The following SELENOO variants were observed in gnomAD, a reference collection of about 807,000 sequenced individuals.
SELENOO encodes protein adenylyltransferase SelO, mitochondrial.
In SELENOO, 74 loss-of-function variants were observed where a neutral mutation model predicts 58.7. That is an observed-to-expected ratio of 1.26 (90% CI 1.04 to 1.53). The LOEUF (loss-of-function observed/expected upper bound fraction) is 1.53, where lower values mean the gene tolerates loss of function less well. SELENOO is among the 40% of genes most tolerant of loss of function. The probability of loss-of-function intolerance (pLI) is 0.00; values close to 1 mark genes in which losing one functional copy is unlikely to be tolerated. For missense variants in SELENOO, 1,149 were observed against 970.0 expected, an observed-to-expected ratio of 1.18 and a Z score of -2.45; for synonymous variants, 543 against 453.2, an observed-to-expected ratio of 1.20 and a Z score of -2.52.
Position 50,210,870 on chromosome 22 carries a change from G to C in SELENOO, c.1310G>C (p.Gly437Ala). The C allele has an allele frequency of 6.2e-7, 1 of 1,614,130 alleles. No individual in the cohort carries two copies. Residue 437 changes from glycine to alanine, a missense_variant, in exon 5 of 9, where the codon GGG becomes GCG. Transcript: ENST00000380903. ...GLVQVELEED[G>A]ALVSKLLETM... ...GTGCAGGTGGAGCTGGAGGAAGACG[G>C]GGCGCTGGTGTCCAAGCTCCTGGAG...
rs547796648 is a variant in SELENOO at position 50,210,562 on chromosome 22, A to G, written c.1071-69A>G. ...GGACCTTCCCCTGGGCCTCCCCTCC[A>G]GGGTGGCTGCACCATCTCCCGGGAA... On this transcript the variant is annotated intron_variant, in intron 4 of 8. Transcript: ENST00000380903. 4.4e-6 allele frequency: 7 copies of G among 1,602,700 alleles called. No homozygotes were observed. The South Asian group carries it at 6.6e-5, about 15-fold the overall frequency.
chr22:50,214,331 C>T (rs1007136518), intron 5 of SELENOO, among the ~76,000 whole-genome samples: 5 of 152,130 alleles, frequency 3.3e-5, no homozygotes, highest in Admixed American at 2.6e-4. Context: ...TATTTAAAAT[C>T]TTCTCTGGCC....
intron 2 of SELENOO, among the ~76,000 whole-genome samples, chr22:50,207,456 C>T (rs747146342): frequency 1.3e-5 from 2 of 152,002 alleles, no homozygotes; most frequent in Non-Finnish European, 2.9e-5. Flanking sequence ...CACCTTGCCA[C>T]CTGGCGTCTA....
intron 5 of SELENOO, among the ~76,000 whole-genome samples, chr22:50,212,653 GTC>G (rs2064378303): frequency 6.6e-6 from 1 of 151,906 alleles, no homozygotes; most frequent in African/African-American, 2.4e-5. Flanking sequence ...TCCGCTCCGA[GTC>G]TGTGAACCTG....
intron 3 of SELENOO, among the ~76,000 whole-genome samples, chr22:50,209,033 G>A (rs1350075178): frequency 6.6e-6 from 1 of 152,302 alleles, no homozygotes; most frequent in Admixed American, 6.5e-5. Flanking sequence ...CACCTCCCAC[G>A]TGGGTCGATA....
chr22:50,211,157 A>T (rs2064369002), intron 5 of SELENOO, among the ~76,000 whole-genome samples: 1 of 151,808 alleles, frequency 6.6e-6, no homozygotes, highest in African/African-American at 2.4e-5. Flanking sequence ...CTCAATGTTC[A>T]CCCAGGTCCG....
chr22:50,201,122 C>T lies in SELENOO; in HGVS notation c.86C>T (p.Pro29Leu). The T allele has an allele frequency of 7.5e-7, 1 of 1,334,764 alleles. No homozygotes were observed. Among genetic ancestry groups the T allele is most frequent in the Non-Finnish European group, 9.6e-7 (1 of 1,045,194 alleles). 82.7% of individuals were successfully genotyped at this position (1,334,764 alleles called of 1,614,324 possible). A position where few individuals can be genotyped will look rare whatever the true frequency, so the allele number is the denominator to read the frequency against. ...PLGRCSPSPA[P>L]RSTLSGAAME... Reference sequence around the variant, plus strand: ...GGTCGCTGTTCCCCGTCGCCGGCGCCCCGCTCTACGTTGTCGGGCGCCGCC... The same window carrying T: ...GGTCGCTGTTCCCCGTCGCCGGCGCTCCGCTCTACGTTGTCGGGCGCCGCC... The change falls in exon 1 of 9, where the codon CCC (proline) becomes CTC (leucine). Residue 29 changes from proline to leucine, a missense_variant. Transcript: ENST00000380903.
chr22:50,202,343 GC>G (rs1271208222), intron 1 of SELENOO, among the ~76,000 whole-genome samples: 1 of 151,886 alleles, frequency 6.6e-6, no homozygotes. Context: ...CTTCCCCGGG[GC>G]TCCATCTCCC....
intron 6 of SELENOO, among the ~76,000 whole-genome samples, chr22:50,216,120 G>A (rs2064408551): frequency 6.6e-6 from 1 of 152,200 alleles, no homozygotes; most frequent in African/African-American, 2.4e-5. Context: ...GGGCTTCAGA[G>A]AAAGCCTCTG....
At position 50,215,799 on chromosome 22, in the gene SELENOO, C is replaced by T. The variant is rs771909635; in HGVS notation, c.1434C>T (p.Ala478=). ...LESPGLAEFL[A]RLMEQCASLE... ...CGCCAGGCCTGGCGGAATTCCTGGC[C>T]AGGCTGATGGAGCAGTGTGCCTCCC... The change falls in exon 6 of 9, where the codon GCC becomes GCT. Residue 478 remains alanine, a synonymous_variant. Coordinates refer to ENST00000380903, the MANE Select transcript of SELENOO (RefSeq NM_031454.2). 6.2e-7 allele frequency: 1 copy of T among 1,612,878 alleles called. No homozygotes were observed. The highest frequency in any genetic ancestry group is 2.2e-5 in the East Asian group (1 of 44,868).
intron 1 of SELENOO, among the ~76,000 whole-genome samples, chr22:50,203,093 G>A (rs1349043334): frequency 6.6e-6 from 1 of 152,216 alleles, no homozygotes; most frequent in Non-Finnish European, 1.5e-5. Flanking sequence ...TTCACATGGG[G>A]TCAGGTGCAG....
At chr22:50,208,203 G>A (rs1480847386) in intron 2 of SELENOO, among the ~76,000 whole-genome samples, 2 of 152,066 alleles carry the variant, frequency 1.3e-5, no homozygotes, top group Non-Finnish European at 2.9e-5. Context: ...AGGCCGAGGC[G>A]GGTGGATCAC....
chr22:50,215,805 G>A lies in SELENOO; in HGVS notation c.1440G>A (p.Leu480=). 1 of 1,612,916 alleles carries A rather than the reference G, an allele frequency of 6.2e-7. No individual in the cohort carries two copies. The highest frequency in any genetic ancestry group is 8.5e-7 in the Non-Finnish European group (1 of 1,179,436). ...GCCTGGCGGAATTCCTGGCCAGGCTGATGGAGCAGTGTGCCTCCCTGGAGG... is the reference window on the plus strand; with the variant it reads ...GCCTGGCGGAATTCCTGGCCAGGCTAATGGAGCAGTGTGCCTCCCTGGAGG... ...SPGLAEFLAR[L]MEQCASLEEL... Residue 480 remains leucine, a synonymous_variant, in exon 6 of 9, where the codon CTG becomes CTA. Transcript: ENST00000380903.
At position 50,210,781 on chromosome 22, in the gene SELENOO, C is replaced by T. The variant is rs200880192; in HGVS notation, c.1221C>T (p.Ala407=). The stretch of plus-strand genomic sequence containing the variant: ...TGGAGCTGGGGGAGGCCATCCTGGC[C>T]GAGGAGTTTGACGCCGAGTTCCAAA... ...LPLELGEAIL[A]EEFDAEFQRH... The change falls in exon 5 of 9, where the codon GCC becomes GCT. Residue 407 remains alanine (A), a synonymous_variant. Transcript: ENST00000380903. The T allele has an allele frequency of 4.3e-5, 70 of 1,613,856 alleles. No homozygotes were observed. Among genetic ancestry groups the T allele is most frequent in the Non-Finnish European group, 5.2e-5 (61 of 1,180,028 alleles).
chr22:50,208,578 A>G lies in SELENOO; in HGVS notation c.801A>G (p.Thr267=), dbSNP rs750731499. The G allele has an allele frequency of 1.7e-5, 28 of 1,613,862 alleles. No homozygotes were observed. Among genetic ancestry groups the G allele is most frequent in the Non-Finnish European group, 2.4e-5 (28 of 1,179,958 alleles). ...TTTTTAAGTCTGCAGATGAGCACAC[A>G]GGGCGTGCAGGCCCCAGCGTGGGGA... The part of the protein sequence containing the change: ...FEIFKSADEH[T]GRAGPSVGRN... The change falls in exon 3 of 9, where the codon ACA becomes ACG. Residue 267 remains threonine, a synonymous_variant. Transcript: ENST00000380903.
At chr22:50,212,924 A>G (rs931985637) in intron 5 of SELENOO, among the ~76,000 whole-genome samples, 1 of 151,954 alleles carries the variant, frequency 6.6e-6, no homozygotes, top group African/African-American at 2.4e-5. Flanking sequence ...GTCTCCCTCT[A>G]ATCTTGGCTC....
At chr22:50,211,151 A>G (rs1462967257) in intron 5 of SELENOO, among the ~76,000 whole-genome samples, 1 of 152,132 alleles carries the variant, frequency 6.6e-6, no homozygotes, top group Non-Finnish European at 1.5e-5. Context: ...AAGGTCCTCA[A>G]TGTTCACCCA....
chr22:50,208,975 G>A (rs564902691), intron 3 of SELENOO, among the ~76,000 whole-genome samples: 25 of 152,322 alleles, frequency 1.6e-4, no homozygotes, highest in Admixed American at 1.2e-3. Flanking sequence ...AGCTTGGGGC[G>A]GGGGTGCGGG....
rs759705119 is a variant in SELENOO at position 50,216,947 on chromosome 22, CTCCAGAGCCCGGATGTCAT to C, written c.1689-12_1695del. ...TGGAAAAAGTCCAGCCCGGCTGTGACTCCAGAGCCCGGATGTCATTCCAGAGCCCGGCTGGACAAGGACC... is the reference window on the plus strand; with the variant it reads ...TGGAAAAAGTCCAGCCCGGCTGTGACTCCAGAGCCCGGCTGGACAAGGACC... On this transcript the variant is annotated splice_region_variant and splice_polypyrimidine_tract_variant and intron_variant, in intron 7 of 8. Coordinates refer to ENST00000380903, the MANE Select transcript of SELENOO (RefSeq NM_031454.2). The C allele has an allele frequency of 1.2e-4, 199 of 1,605,254 alleles. No homozygotes were observed. The highest frequency in any genetic ancestry group is 8.0e-4 in the East Asian group (36 of 44,750).
Sources: gnomAD v4.1 joint callset for allele counts (sites outside exome capture counted in the v4.1 genomes callset) on GRCh38, gnomAD v4.1.1 for gene constraint, MANE v1.5 for transcripts, NCBI Gene and HGNC (gene_info 2026-07-23, HGNC 2026-07-21) for gene names.